The following METAP1D variants were observed in gnomAD, a reference collection of about 807,000 sequenced individuals.
METAP1D encodes the protein methionyl aminopeptidase type 1D, mitochondrial.
Under a neutral mutation model 40.5 loss-of-function variants are expected in METAP1D, and 31 were observed. The ratio of observed to expected loss-of-function variants is 0.77; its 90% CI spans 0.58 to 1.03. The LOEUF (loss-of-function observed/expected upper bound fraction) is 1.03, where lower values mean the gene tolerates loss of function less well. METAP1D is among the 50% of genes least tolerant of loss of function. The pLI, the probability that METAP1D is intolerant of heterozygous loss-of-function variation, is 0.00. For synonymous variants in METAP1D, 151 were observed against 146.4 expected (o/e 1.03, Z -0.22); for missense variants, 411 against 420.7 (o/e 0.98, Z 0.20).
At position 172,080,631 on chromosome 2, in the gene METAP1D, G is replaced by A; in HGVS notation, c.*225G>A. The A allele has an allele frequency of 1.7e-6, 1 of 604,788 alleles. No homozygotes were observed. Among genetic ancestry groups the A allele is most frequent in the Non-Finnish European group, 2.9e-6 (1 of 341,932 alleles). The allele number at this position is 604,788 out of a possible 1,614,324, so 37.5% of individuals were successfully genotyped here. A position where few individuals can be genotyped will look rare whatever the true frequency, so the allele number is the denominator to read the frequency against. On this transcript the variant is annotated 3_prime_UTR_variant, in exon 10 of 10. Transcript: ENST00000315796. ...TTTGGAAAAACAAATCCTGGCCCTG[G>A]ACTCGGTTTCCCAGCGCGGTCAACG...
At position 172,061,817 on chromosome 2, in the gene METAP1D, T is replaced by A. The variant is rs1690149947; in HGVS notation, c.198+162T>A. The A allele has an allele frequency of 5.8e-6, 3 of 515,384 alleles. No individual in the cohort carries two copies. The South Asian group carries it at 1.5e-4, about 26-fold the overall frequency. 31.9% of individuals were successfully genotyped at this position (515,384 alleles called of 1,614,324 possible). A position where few individuals can be genotyped will look rare whatever the true frequency, so the allele number is the denominator to read the frequency against. On this transcript the variant is annotated intron_variant, in intron 2 of 9. Transcript: ENST00000315796. The stretch of plus-strand genomic sequence containing the variant: ...TGTGATTTGAGAAGTTTTAATATCC[T>A]GCAATTCTATAGCATTAATTTTTTA...
chr2:172,005,988 T>C (rs926726902), intron 1 of METAP1D, among the ~76,000 whole-genome samples: 1 of 152,034 alleles, frequency 6.6e-6, no homozygotes, highest in Non-Finnish European at 1.5e-5. Flanking sequence ...AAAAAAAATA[T>C]ATTGACCTGC....
At position 172,010,544 on chromosome 2, in the gene METAP1D, A is replaced by T. The variant is rs189370921; in HGVS notation, c.40+10535A>T. Among the ~76,000 whole-genome samples, 339 of 126,760 alleles carry T rather than the reference A, an allele frequency of 2.7e-3. 2 individuals are homozygous for T. The highest frequency in any genetic ancestry group is 0.01 in the African/African-American group (329 of 32,886). The allele number at this position is 126,760 out of a possible 152,430, so 83.2% of individuals were successfully genotyped here. ...AATCTCACTCTGTCACGCAAGCTAG[A>T]GGACAGTGGTGCAATCTCAGCTCAC... On this transcript the variant is annotated intron_variant, in intron 1 of 9. Transcript: ENST00000315796.
intron 5 of METAP1D, 94 bp from the exon 6 acceptor site, chr2:172,070,813 T>C (rs1387809654): frequency 1.0e-6 from 1 of 979,532 alleles, no homozygotes; most frequent in African/African-American, 1.7e-5. Context: ...GGGTAAAACA[T>C]GAGTCTACTA....
At chr2:172,005,535 TATATATATATC>T (rs1354738760) in intron 1 of METAP1D, among the ~76,000 whole-genome samples, 3 of 119,046 alleles carry the variant, frequency 2.5e-5, no homozygotes, top group Non-Finnish European at 5.8e-5. Flanking sequence ...TATATATATA[TATATATATATC>T]TTTTTTTTTT....
At position 172,066,566 on chromosome 2, in the gene METAP1D, T is replaced by C. The variant is rs1421342072; in HGVS notation, c.540+260T>C. ...GTGAAATGTCAACCCAATCCTGCTATGTGTCATGTTTTTGAGAAGGTGTAA... is the reference window on the plus strand; with the variant it reads ...GTGAAATGTCAACCCAATCCTGCTACGTGTCATGTTTTTGAGAAGGTGTAA... On this transcript the variant is annotated intron_variant, in intron 5 of 9. Transcript: ENST00000315796. 3.3e-5 allele frequency among the ~76,000 whole-genome samples: 5 copies of C among 152,222 alleles called. No individual in the cohort carries two copies. In the East Asian group the frequency reaches 9.6e-4, roughly 29 times the overall value.
rs1445396540 is a variant in METAP1D at position 172,063,721 on chromosome 2, A to G, written c.209A>G (p.Lys70Arg). Residue 70 changes from lysine to arginine, a missense_variant, in exon 3 of 10, where the codon AAG (lysine) becomes AGG (arginine). Transcript: ENST00000315796. ...SAHPVPKHIK[K>R]PDYVTTGIVP... ...TCCTTTTTCCTCAAGCACATAAAGA[A>G]GCCAGACTATGTGACGACAGGCATT... The G allele has an allele frequency of 1.2e-6, 2 of 1,613,022 alleles. No individual in the cohort carries two copies. The highest frequency in any genetic ancestry group is 4.5e-5 in the East Asian group (2 of 44,886).
intron 1 of METAP1D, among the ~76,000 whole-genome samples, chr2:172,013,283 G>A (rs944855414): frequency 6.6e-6 from 1 of 152,118 alleles, no homozygotes; most frequent in African/African-American, 2.4e-5. Context: ...TGCCTCAGAG[G>A]CCTGGGAAAC....
chr2:172,063,730 A>G lies in METAP1D; in HGVS notation c.218A>G (p.Tyr73Cys), dbSNP rs1489754846. 3 of 1,613,718 alleles carry G rather than the reference A, an allele frequency of 1.9e-6. No homozygotes were observed. Among genetic ancestry groups the G allele is most frequent in the Non-Finnish European group, 1.7e-6 (2 of 1,179,730 alleles). The change falls in exon 3 of 10, where the codon TAT becomes TGT. Residue 73 changes from tyrosine to cysteine, a missense_variant. By Grantham distance (194) the Tyr-to-Cys change is radical. Coordinates refer to ENST00000315796, the MANE Select transcript of METAP1D (RefSeq NM_199227.3). ...CTCAAGCACATAAAGAAGCCAGACT[A>G]TGTGACGACAGGCATTGTACCAGAC... ...PVPKHIKKPD[Y>C]VTTGIVPDWG...
chr2:172,019,851 C>T (rs1688965371), intron 1 of METAP1D, among the ~76,000 whole-genome samples: 1 of 152,126 alleles, frequency 6.6e-6, no homozygotes, highest in African/African-American at 2.4e-5. Context: ...TTGTAACCAT[C>T]ACTTAATTAG....
intron 1 of METAP1D, among the ~76,000 whole-genome samples, chr2:172,021,019 A>G (rs1048554420): frequency 6.6e-6 from 1 of 152,046 alleles, no homozygotes; most frequent in African/African-American, 2.4e-5. Flanking sequence ...AATTTTTTTT[A>G]CTACTATTAA....
intron 1 of METAP1D, among the ~76,000 whole-genome samples, chr2:172,006,158 G>C (rs1052981419): frequency 2.0e-5 from 3 of 150,558 alleles, no homozygotes; most frequent in Non-Finnish European, 4.4e-5. Context: ...CACAGAGTAT[G>C]ACATACAAGC....
At chr2:172,005,371 C>G (rs1198870378) in intron 1 of METAP1D, among the ~76,000 whole-genome samples, 3 of 151,624 alleles carry the variant, frequency 2.0e-5, no homozygotes, top group East Asian at 3.9e-4. Context: ...AGCTTAGCTC[C>G]CACTTATAAG....
intron 1 of METAP1D, among the ~76,000 whole-genome samples, chr2:172,037,485 A>T (rs188756205): frequency 1.2e-3 from 180 of 152,348 alleles, no homozygotes; most frequent in South Asian, 2.1e-3. Flanking sequence ...TAAACCTATG[A>T]GTGATAGCTC....
intron 1 of METAP1D, among the ~76,000 whole-genome samples, chr2:172,044,423 A>C (rs181636550): frequency 0.019 from 1,881 of 99,460 alleles, 190 homozygotes; most frequent in African/African-American, 0.059. Flanking sequence ...AAAAAAAAAA[A>C]AAACCCAAAA....
Position 172,066,529 on chromosome 2 carries a change from A to G in METAP1D, c.540+223A>G, listed in dbSNP as rs60534023. On this transcript the variant is annotated intron_variant, in intron 5 of 9. Coordinates refer to ENST00000315796, the MANE Select transcript of METAP1D (RefSeq NM_199227.3). Reference sequence around the variant, plus strand: ...GCTGCAATCAGATGCACTGAGATCAATGTTGGCCTAAGTGAAATGTCAACC... The same window carrying G: ...GCTGCAATCAGATGCACTGAGATCAGTGTTGGCCTAAGTGAAATGTCAACC... Among the ~76,000 whole-genome samples the G allele has an allele frequency of 2.1e-3, 325 of 152,350 alleles. 2 individuals are homozygous for G. The highest frequency in any genetic ancestry group is 6.6e-3 in the African/African-American group (274 of 41,574).
At chr2:172,015,465 TTTA>T (rs1574092052) in intron 1 of METAP1D, among the ~76,000 whole-genome samples, 1 of 152,124 alleles carries the variant, frequency 6.6e-6, no homozygotes, top group African/African-American at 2.4e-5. Flanking sequence ...TTCAAGAATG[TTTA>T]TTACAGTGTC....
At chr2:172,071,095 G>A (rs780647396) in intron 6 of METAP1D, 25 bp downstream of exon 6, 1 of 1,577,058 alleles carries the variant, frequency 6.3e-7, no homozygotes. Flanking sequence ...GACAAGTAAA[G>A]GGAGGGTTGG....
At chr2:172,033,868 G>T (rs536279891) in intron 1 of METAP1D, among the ~76,000 whole-genome samples, 1 of 151,898 alleles carries the variant, frequency 6.6e-6, no homozygotes, top group South Asian at 2.1e-4. Flanking sequence ...ACGAGGTCAG[G>T]GATTTGGGAC....
Sources: allele counts gnomAD v4.1 joint callset (sites outside exome capture counted in the v4.1 genomes callset), GRCh38; gene constraint gnomAD v4.1.1; transcripts MANE v1.5; gene names NCBI Gene and HGNC (gene_info 2026-07-23, HGNC 2026-07-21).